Variants in FMN1 observed in about 807,000 individuals in gnomAD.
FMN1 encodes formin 1, also known as formin-1.
FMN1 carries 110 observed loss-of-function variants against 132.4 expected under a neutral mutation model. The observed-to-expected ratio is 0.83, with a 90% CI of 0.71 to 0.97. The LOEUF is 0.97. Ranked by LOEUF, FMN1 falls within the 50% of genes least tolerant of loss-of-function variation. FMN1 has a pLI of 0.00. For synonymous variants in FMN1, 722 were observed against 651.7 expected (o/e 1.11, Z -1.64); for missense variants, 1,792 against 1,705.3 (o/e 1.05, Z -0.90).
intron 7 of FMN1, among the ~76,000 whole-genome samples, chr15:33,001,759 G>A (rs1379821522): frequency 1.6e-5 from 2 of 121,434 alleles, no homozygotes; most frequent in Non-Finnish European, 3.2e-5. Context: ...TCACTCCCTC[G>A]CTCAGGCTGG....
At chr15:32,987,316 T>C (rs975836089) in intron 7 of FMN1, among the ~76,000 whole-genome samples, 2 of 152,200 alleles carry the variant, frequency 1.3e-5, no homozygotes, top group Non-Finnish European at 2.9e-5. Flanking sequence ...TTACAAGAGA[T>C]GACATGCTTG....
chr15:32,995,949 A>C (rs910073675), intron 7 of FMN1, among the ~76,000 whole-genome samples: 5 of 152,234 alleles, frequency 3.3e-5, no homozygotes, highest in Admixed American at 6.5e-5. Flanking sequence ...TTGGAGAATT[A>C]GATATAACAG....
rs191483182 is a variant in FMN1 at position 32,769,608 on chromosome 15, C to G, written c.*4702G>C. 4 of 152,306 alleles carry G rather than the reference C, an allele frequency of 2.6e-5. No homozygotes were observed. The East Asian group carries it at 5.8e-4, about 22-fold the overall frequency. The allele number at this position is 152,306 out of a possible 1,614,324, so 9.4% of individuals were successfully genotyped here. ...CTTTAAGCCACTTCTATACTAATAACAGTTTCCAGGCAGCTGGATTGTTTC... is the reference window on the plus strand; with the variant it reads ...CTTTAAGCCACTTCTATACTAATAAGAGTTTCCAGGCAGCTGGATTGTTTC... On this transcript the variant is annotated 3_prime_UTR_variant, in exon 21 of 21. Transcript: ENST00000616417.
chr15:32,876,770 A>G (rs1464891986), intron 16 of FMN1, among the ~76,000 whole-genome samples: 4 of 152,236 alleles, frequency 2.6e-5, no homozygotes, highest in Non-Finnish European at 5.9e-5. Flanking sequence ...AGATGCTGTC[A>G]TTATGGAGTA....
At chr15:32,880,052 G>GTT (rs35012329) in intron 16 of FMN1, among the ~76,000 whole-genome samples, 124 of 148,766 alleles carry the variant, frequency 8.3e-4, no homozygotes, top group African/African-American at 2.4e-3. Context: ...AGCTTCTATT[G>GTT]TTTTTTTTTT....
intron 19 of FMN1, among the ~76,000 whole-genome samples, chr15:32,789,803 C>T (rs1379243042): frequency 6.6e-6 from 1 of 152,152 alleles, no homozygotes; most frequent in Admixed American, 6.6e-5. Flanking sequence ...TGTATTTTTA[C>T]TGTACCTTTT....
chr15:32,957,285 T>C (rs1481063016), intron 9 of FMN1, among the ~76,000 whole-genome samples: 2 of 146,398 alleles, frequency 1.4e-5, no homozygotes, highest in African/African-American at 2.5e-5. Flanking sequence ...TTGGAAAGTT[T>C]ATCAGAGCAG....
intron 4 of FMN1, among the ~76,000 whole-genome samples, chr15:33,144,627 G>C (rs2444979): frequency 0.13 from 14,558 of 113,168 alleles, 1,614 homozygotes; most frequent in East Asian, 0.62. Context: ...GACAGAGCTA[G>C]ACTCCGTCTG....
In FMN1 at chr15:33,077,825, AAGG is replaced by A. The variant is rs1285645628; in HGVS notation, c.2043+10971_2043+10973del. Among the ~76,000 whole-genome samples the A allele has an allele frequency of 8.5e-5, 13 of 152,214 alleles. No individual in the cohort carries two copies. In the East Asian group the frequency reaches 2.5e-3, roughly 29 times the overall value. On this transcript the variant is annotated intron_variant, in intron 5 of 20. Transcript: ENST00000616417. ...AAAAAAAAACATCAAAAAGTGGGCA[AAGG>A]ATATGAACAGACACTTCTCAAAAGA...
rs574941916 is a variant in FMN1 at position 33,034,435 on chromosome 15, G to C, written c.2162-26360C>G. 3.9e-4 allele frequency among the ~76,000 whole-genome samples: 59 copies of C among 152,158 alleles called. No homozygotes were observed. The South Asian group carries it at 6.8e-3, about 18-fold the overall frequency. ...CTAAAAGTAAAAAAAAAATTAGCTT[G>C]GCATAGTGTCATGCGCCTGTAGTCC... is the stretch of plus-strand genomic sequence containing the variant. On this transcript the variant is annotated intron_variant, in intron 6 of 20. Coordinates refer to ENST00000616417, the MANE Select transcript of FMN1 (RefSeq NM_001277313.2).
chr15:32,877,054 G>A (rs756245499), intron 16 of FMN1, among the ~76,000 whole-genome samples: 5 of 152,160 alleles, frequency 3.3e-5, no homozygotes, highest in Non-Finnish European at 5.9e-5. Context: ...GGGATGCCAA[G>A]GCAGGTGGAT....
chr15:33,104,898 CAAAG>C lies in FMN1; in HGVS notation c.1868-15928_1868-15925del, dbSNP rs1353074940. Among the ~76,000 whole-genome samples the C allele has an allele frequency of 2.6e-5, 4 of 151,984 alleles. No homozygotes were observed. In the East Asian group the frequency reaches 7.7e-4, roughly 29 times the overall value. On this transcript the variant is annotated intron_variant, in intron 4 of 20. Coordinates refer to ENST00000616417, the MANE Select transcript of FMN1 (RefSeq NM_001277313.2). ...TTTCAGTCTTAATATTTGCACCATC[CAAAG>C]AAAGAGCAAAAAGCTGAATCTAATT...
At chr15:33,070,417 G>A (rs2037953546) in intron 5 of FMN1, among the ~76,000 whole-genome samples, 1 of 141,460 alleles carries the variant, frequency 7.1e-6, no homozygotes, top group Non-Finnish European at 1.5e-5. Context: ...GAACTGAAAA[G>A]ACTCAATTTC....
chr15:32,937,566 T>C (rs977805479), intron 9 of FMN1, among the ~76,000 whole-genome samples: 1 of 152,206 alleles, frequency 6.6e-6, no homozygotes, highest in Non-Finnish European at 1.5e-5. Context: ...CCTCCCCCTT[T>C]CCCACTTTTA....
intron 5 of FMN1, among the ~76,000 whole-genome samples, chr15:33,077,206 G>C (rs796800713): frequency 1.3e-4 from 20 of 151,976 alleles, no homozygotes; most frequent in African/African-American, 4.6e-4. Flanking sequence ...TTTTTGTTTT[G>C]TTTTGTTTTC....
At chr15:33,029,975 GT>G (rs2035858932) in intron 6 of FMN1, among the ~76,000 whole-genome samples, 3 of 152,300 alleles carry the variant, frequency 2.0e-5, no homozygotes, top group Admixed American at 1.3e-4. Context: ...GGCTAACAGG[GT>G]GAAACCCCGT....
chr15:32,901,797 A>G, intron 13 of FMN1, 114 bp downstream of exon 13: 1 of 772,296 alleles, frequency 1.3e-6, no homozygotes, highest in Non-Finnish European at 1.9e-6. Context: ...ACACTTAGAA[A>G]AACATACAAT....
intron 6 of FMN1, chr15:33,063,766 T>A (rs1251295595): frequency 1.3e-5 from 2 of 152,240 alleles, no homozygotes; most frequent in Admixed American, 6.5e-5. Context: ...ATGCTTCAAT[T>A]ACCTAGAACA....
At chr15:33,066,210 G>A (rs1455870061) in intron 5 of FMN1, among the ~76,000 whole-genome samples, 5 of 152,136 alleles carry the variant, frequency 3.3e-5, no homozygotes, top group Non-Finnish European at 7.3e-5. Context: ...ATTTCCTCAT[G>A]CTACCTAGTT....
Sources: allele counts gnomAD v4.1 joint callset (sites outside exome capture counted in the v4.1 genomes callset), GRCh38; gene constraint gnomAD v4.1.1; transcripts MANE v1.5; gene names NCBI Gene and HGNC (gene_info 2026-07-23, HGNC 2026-07-21).